The following ABI2 variants were observed in gnomAD, a reference collection of about 807,000 sequenced individuals.
ABI2 encodes the protein abl interactor 2, also known as abelson interactor 2.
ABI2 carries 25 observed loss-of-function variants against 59.2 expected under a neutral mutation model. That is an observed-to-expected ratio of 0.42 (90% confidence interval 0.31 to 0.59). The LOEUF (loss-of-function observed/expected upper bound fraction) is 0.59, where lower values mean the gene tolerates loss of function less well. Ranked by LOEUF, ABI2 falls within the 20% of genes least tolerant of loss-of-function variation. The pLI is 0.14. For missense variants in ABI2, 545 were observed against 681.8 expected (o/e 0.80, Z 2.23); for synonymous variants, 213 against 235.5 (o/e 0.90, Z 0.87).
intron 9 of ABI2, 70 bp from the exon 10 acceptor site, chr2:203,411,215 T>C (rs1187600980): frequency 1.7e-6 from 2 of 1,156,122 alleles, no homozygotes; most frequent in Non-Finnish European, 2.6e-6. Flanking sequence ...TTTATTTTAT[T>C]GTATTATCCT....
chr2:203,397,894 T>C (rs1323950843), intron 8 of ABI2, among the ~76,000 whole-genome samples: 1 of 152,088 alleles, frequency 6.6e-6, no homozygotes, highest in Non-Finnish European at 1.5e-5. Flanking sequence ...CAAGAACAGC[T>C]CCAAGGGGGA....
chr2:203,406,247 A>G (rs565275724), intron 9 of ABI2, among the ~76,000 whole-genome samples: 1 of 152,352 alleles, frequency 6.6e-6, no homozygotes, highest in South Asian at 2.1e-4. Context: ...ATACTTACAT[A>G]AGCCTTGTTT....
chr2:203,339,277 C>T (rs1396292574), intron 1 of ABI2, among the ~76,000 whole-genome samples: 5 of 151,250 alleles, frequency 3.3e-5, no homozygotes, highest in African/African-American at 7.3e-5. Context: ...ATTGGAACAG[C>T]CATTATGAAA....
intron 1 of ABI2, among the ~76,000 whole-genome samples, chr2:203,355,841 A>C (rs952914737): frequency 5.3e-5 from 8 of 151,080 alleles, no homozygotes; most frequent in African/African-American, 1.5e-4. Flanking sequence ...AAAAAAAAAA[A>C]AAAAAAAAAA....
At chr2:203,384,773 A>T (rs939523469) in intron 4 of ABI2, among the ~76,000 whole-genome samples, 3 of 151,906 alleles carry the variant, frequency 2.0e-5, no homozygotes, top group Non-Finnish European at 4.4e-5. Context: ...AGTAATAAAA[A>T]CTTCTGACTT....
chr2:203,394,750 C>G lies in ABI2; in HGVS notation c.629C>G (p.Pro210Arg). The G allele has an allele frequency of 6.2e-7, 1 of 1,614,066 alleles. No individual in the cohort carries two copies. The highest frequency in any genetic ancestry group is 8.5e-7 in the Non-Finnish European group (1 of 1,179,980). ...TLEPVRPPVV[P>R]NDYVPSPTRN... ...GAGCCAGTGCGTCCTCCAGTGGTAC[C>G]AAATGATTACGTACCTAGCCCAACC... is the stretch of plus-strand genomic sequence containing the variant. Residue 210 changes from proline (P) to arginine (R), a missense_variant, in exon 6 of 12, where the codon CCA (proline) becomes CGA (arginine). Coordinates refer to ENST00000261018, the MANE Select transcript of ABI2 (RefSeq NM_001375670.1).
chr2:203,392,754 T>G (rs1417579405), intron 5 of ABI2, among the ~76,000 whole-genome samples: 1 of 152,180 alleles, frequency 6.6e-6, no homozygotes, highest in Non-Finnish European at 1.5e-5. Context: ...AGCTACTTAG[T>G]CCCCAGAAAG....
intron 7 of ABI2, 133 bp downstream of exon 7, chr2:203,395,913 A>G: frequency 9.2e-7 from 1 of 1,084,938 alleles, no homozygotes; most frequent in Non-Finnish European, 1.3e-6. Flanking sequence ...GGAAGTCTAT[A>G]TATTTGTTAT....
intron 1 of ABI2, among the ~76,000 whole-genome samples, chr2:203,340,227 G>T (rs1379054408): frequency 6.6e-6 from 1 of 152,216 alleles, no homozygotes; most frequent in South Asian, 2.1e-4. Flanking sequence ...GCCAAGGGCC[G>T]TTGGGAGGTG....
Position 203,391,075 on chromosome 2 carries a change from G to C in ABI2, c.510G>C (p.Gly170=). ...GTACCCAGAACATGAAGATGGGTGG[G>C]CTGCCGCGTACAACACCTCCAACTC... ...KVSTQNMKMG[G]LPRTTPPTQK... The change falls in exon 5 of 12, where the codon GGG becomes GGC. Residue 170 remains glycine, a synonymous_variant. Coordinates refer to ENST00000261018, the MANE Select transcript of ABI2 (RefSeq NM_001375670.1). The C allele has an allele frequency of 3.7e-6, 6 of 1,613,870 alleles. No individual in the cohort carries two copies. Among genetic ancestry groups the C allele is most frequent in the Non-Finnish European group, 5.1e-6 (6 of 1,179,906 alleles).
chr2:203,333,099 A>G (rs1227764426), intron 1 of ABI2, among the ~76,000 whole-genome samples: 2 of 152,184 alleles, frequency 1.3e-5, no homozygotes, highest in Non-Finnish European at 2.9e-5. Flanking sequence ...ACAAGGGAAT[A>G]TTATCAGTCA....
At chr2:203,412,302 G>T (rs1232165010) in intron 10 of ABI2, among the ~76,000 whole-genome samples, 1 of 152,110 alleles carries the variant, frequency 6.6e-6, no homozygotes, top group African/African-American at 2.4e-5. Flanking sequence ...CCCAGCACTT[G>T]GAAAAGCATC....
At chr2:203,363,523 C>T in intron 1 of ABI2, among the ~76,000 whole-genome samples, 1 of 151,942 alleles carries the variant, frequency 6.6e-6, no homozygotes, top group East Asian at 1.9e-4. Context: ...GTCCTACCTC[C>T]CCACTTTCCC....
At chr2:203,387,809 T>C (rs767014984) in intron 4 of ABI2, among the ~76,000 whole-genome samples, 3 of 152,214 alleles carry the variant, frequency 2.0e-5, no homozygotes, top group Non-Finnish European at 4.4e-5. Flanking sequence ...TATTGCTTTG[T>C]TTTCCTTGTC....
At chr2:203,425,006 C>T (rs573372847) in intron 11 of ABI2, among the ~76,000 whole-genome samples, 195 of 151,056 alleles carry the variant, frequency 1.3e-3, no homozygotes, top group Non-Finnish European at 2.1e-3. Flanking sequence ...ACCACAGGCA[C>T]GCGCTACCAT....
At chr2:203,383,566 A>G (rs369806628) in intron 4 of ABI2, among the ~76,000 whole-genome samples, 3 of 152,308 alleles carry the variant, frequency 2.0e-5, no homozygotes, top group Admixed American at 6.5e-5. Context: ...CCAAGCTACT[A>G]TCTCATGCTT....
At chr2:203,418,429 C>CT (rs1454015721) in intron 11 of ABI2, among the ~76,000 whole-genome samples, 2 of 152,228 alleles carry the variant, frequency 1.3e-5, no homozygotes, top group Non-Finnish European at 2.9e-5. Context: ...CTGAGGGAGA[C>CT]TGCTTTCAGG....
At chr2:203,395,446 TATAC>T (rs1318348572) in intron 6 of ABI2, among the ~76,000 whole-genome samples, 13 of 85,364 alleles carry the variant, frequency 1.5e-4, no homozygotes, top group Admixed American at 8.1e-4. Flanking sequence ...TATATATATA[TATAC>T]ACACACACAC....
chr2:203,420,032 A>G (rs2098129367), intron 11 of ABI2, among the ~76,000 whole-genome samples: 1 of 152,188 alleles, frequency 6.6e-6, no homozygotes, highest in Admixed American at 6.5e-5. Context: ...TGTAATTCCC[A>G]TTATATAGTT....
Sources: gnomAD v4.1 joint callset for allele counts (sites outside exome capture counted in the v4.1 genomes callset) on GRCh38, gnomAD v4.1.1 for gene constraint, MANE v1.5 for transcripts, NCBI Gene and HGNC (gene_info 2026-07-23, HGNC 2026-07-21) for gene names.